IKZF2: variants seen among roughly 807,000 people sequenced by gnomAD.
IKZF2 encodes zinc finger protein Helios.
Under a neutral mutation model 49.2 loss-of-function variants are expected in IKZF2, and 15 were observed. The ratio of observed to expected loss-of-function variants is 0.30; its 90% CI spans 0.20 to 0.47. The LOEUF is 0.47. Ranked by LOEUF, IKZF2 falls within the 20% of genes least tolerant of loss-of-function variation. The probability of loss-of-function intolerance (pLI) is 1.00; values close to 1 mark genes in which losing one functional copy is unlikely to be tolerated. For missense variants in IKZF2, 567 were observed against 664.6 expected (o/e 0.85, Z 1.61); for synonymous variants, 227 against 221.4 (o/e 1.03, Z -0.23).
intron 4 of IKZF2, among the ~76,000 whole-genome samples, chr2:213,069,057 T>C (rs1702431227): frequency 6.6e-6 from 1 of 152,272 alleles, no homozygotes; most frequent in South Asian, 2.1e-4. Flanking sequence ...TCTCTTTTTC[T>C]CTACTTTGTC....
chr2:213,056,244 C>A (rs974444251), intron 5 of IKZF2, among the ~76,000 whole-genome samples: 1 of 152,076 alleles, frequency 6.6e-6, no homozygotes, highest in Non-Finnish European at 1.5e-5. Flanking sequence ...ACCTACACAC[C>A]AGCCACTATT....
At chr2:213,123,469 G>C (rs547168123) in intron 4 of IKZF2, among the ~76,000 whole-genome samples, 2 of 152,054 alleles carry the variant, frequency 1.3e-5, no homozygotes, top group Non-Finnish European at 2.9e-5. Flanking sequence ...TTGAATTGTC[G>C]AATAAAAGAC....
chr2:213,057,011 C>T lies in IKZF2; in HGVS notation c.228G>A (p.Glu76=), dbSNP rs781024245. ...TTAGGGGTTCTTCTAGGCTGCTACC[C>T]TCATCATGGCCCCTGATCTCATCTT... is the stretch of plus-strand genomic sequence containing the variant. The part of the protein sequence containing the change: ...SREDEIRGHD[E]GSSLEEPLIE... Residue 76 remains glutamate (E), a synonymous_variant, in exon 5 of 9, where the codon GAG becomes GAA. Coordinates refer to ENST00000434687, the MANE Select transcript of IKZF2 (RefSeq NM_001387220.1). 6.8e-6 allele frequency: 11 copies of T among 1,613,832 alleles called. No homozygotes were observed. In the Admixed American group the frequency reaches 1.5e-4, roughly 22 times the overall value.
chr2:213,072,261 CAA>C (rs1197635194), intron 4 of IKZF2, among the ~76,000 whole-genome samples: 1 of 145,928 alleles, frequency 6.9e-6, no homozygotes, highest in Non-Finnish European at 1.5e-5. Context: ...ACTAATTGGT[CAA>C]AAAAAAGATT....
At chr2:213,026,345 C>T (rs1296584457) in intron 6 of IKZF2, among the ~76,000 whole-genome samples, 1 of 152,132 alleles carries the variant, frequency 6.6e-6, no homozygotes, top group Admixed American at 6.6e-5. Context: ...TTCCAACACT[C>T]TATCATTCTA....
At chr2:213,112,901 T>A (rs912688703) in intron 4 of IKZF2, among the ~76,000 whole-genome samples, 2 of 152,122 alleles carry the variant, frequency 1.3e-5, no homozygotes, top group Admixed American at 6.5e-5. Flanking sequence ...ATTAAATGAA[T>A]TAATACATAT....
rs564349654 is a variant in IKZF2, at chr2:213,036,758, T to C, written c.574+12955A>G. Among the ~76,000 whole-genome samples, 5 of 152,346 alleles carry C rather than the reference T, an allele frequency of 3.3e-5. No homozygotes were observed. The South Asian group carries it at 1.0e-3, about 32-fold the overall frequency. On this transcript the variant is annotated intron_variant, in intron 6 of 8. Coordinates refer to ENST00000434687, the MANE Select transcript of IKZF2 (RefSeq NM_001387220.1). Reference sequence around the variant, plus strand: ...TATTTTACATGCTTATGATGAATGATACTTGGTTTTTATCTTTCTTATTTG... The same window carrying C: ...TATTTTACATGCTTATGATGAATGACACTTGGTTTTTATCTTTCTTATTTG...
chr2:213,088,611 T>C (rs764100127), intron 4 of IKZF2, among the ~76,000 whole-genome samples: 1 of 151,930 alleles, frequency 6.6e-6, no homozygotes, highest in Non-Finnish European at 1.5e-5. Flanking sequence ...ACATAAAAAT[T>C]AGCCAGTCAT....
intron 4 of IKZF2, among the ~76,000 whole-genome samples, chr2:213,058,450 G>A (rs1701373401): frequency 6.6e-6 from 1 of 151,838 alleles, no homozygotes; most frequent in African/African-American, 2.4e-5. Flanking sequence ...GTAAATACAG[G>A]AAATGTGCTT....
chr2:213,036,272 C>T (rs1699016305), intron 6 of IKZF2, among the ~76,000 whole-genome samples: 2 of 152,098 alleles, frequency 1.3e-5, no homozygotes, highest in African/African-American at 4.8e-5. Context: ...GCTGAGGAGG[C>T]ATACATGTAA....
At chr2:213,019,157 T>C (rs1696922085) in intron 7 of IKZF2, among the ~76,000 whole-genome samples, 1 of 152,078 alleles carries the variant, frequency 6.6e-6, no homozygotes, top group East Asian at 1.9e-4. Flanking sequence ...AATTCCATAC[T>C]AGAAGAACAA....
chr2:213,058,162 T>C (rs1400600282), intron 4 of IKZF2, among the ~76,000 whole-genome samples: 3 of 152,152 alleles, frequency 2.0e-5, no homozygotes, highest in Non-Finnish European at 4.4e-5. Context: ...CCACACAGTC[T>C]GTGATTTGTC....
chr2:213,061,602 C>T (rs1333713117), intron 4 of IKZF2, among the ~76,000 whole-genome samples: 1 of 151,294 alleles, frequency 6.6e-6, no homozygotes, highest in Admixed American at 6.6e-5. Flanking sequence ...ATTTATAGAA[C>T]TCATCTACCT....
At chr2:213,062,098 T>C (rs917712455) in intron 4 of IKZF2, among the ~76,000 whole-genome samples, 1 of 151,562 alleles carries the variant, frequency 6.6e-6, no homozygotes. Flanking sequence ...AATATATTAA[T>C]TTTAAATTTT....
intron 4 of IKZF2, among the ~76,000 whole-genome samples, chr2:213,073,798 A>G (rs1056410223): frequency 2.0e-5 from 3 of 152,158 alleles, no homozygotes; most frequent in African/African-American, 7.2e-5. Context: ...CAACCTCCAC[A>G]TCTCTAAATA....
intron 7 of IKZF2, chr2:213,014,598 T>C (rs1432666464): frequency 6.6e-6 from 1 of 152,022 alleles, no homozygotes; most frequent in African/African-American, 2.4e-5. Context: ...AATTGGCACA[T>C]TGGCTCACTA....
At chr2:213,091,602 C>T (rs758061297) in intron 4 of IKZF2, among the ~76,000 whole-genome samples, 21 of 151,882 alleles carry the variant, frequency 1.4e-4, no homozygotes, top group Non-Finnish European at 2.9e-4. Flanking sequence ...AGAAATCATC[C>T]GTCTGAAGAA....
chr2:213,052,746 TAAA>T (rs1700792856), intron 5 of IKZF2, among the ~76,000 whole-genome samples: 1 of 151,228 alleles, frequency 6.6e-6, no homozygotes, highest in Non-Finnish European at 1.5e-5. Context: ...TAATAACAAA[TAAA>T]AAGTGAATTG....
intron 6 of IKZF2, among the ~76,000 whole-genome samples, chr2:213,041,523 C>T (rs1331837700): frequency 1.3e-5 from 2 of 152,046 alleles, no homozygotes; most frequent in Admixed American, 6.6e-5. Context: ...AGAATGGTCT[C>T]GATCTCCTGA....
Sources: gnomAD v4.1 joint callset for allele counts (sites outside exome capture counted in the v4.1 genomes callset) on GRCh38, gnomAD v4.1.1 for gene constraint, MANE v1.5 for transcripts, NCBI Gene and HGNC (gene_info 2026-07-23, HGNC 2026-07-21) for gene names.